Variants in ADGRE2 observed in about 807,000 individuals in gnomAD.
ADGRE2 encodes the protein CD97 antigen.
A neutral mutation model predicts 100.8 loss-of-function variants in ADGRE2; 83 were observed. The observed-to-expected ratio is 0.82, with a 90% CI of 0.69 to 0.99. ADGRE2 has a LOEUF of 0.99. Ranked by LOEUF, ADGRE2 falls within the 50% of genes least tolerant of loss-of-function variation. The pLI, the probability that ADGRE2 is intolerant of heterozygous loss-of-function variation, is 0.00. For missense variants in ADGRE2, 814 were observed against 1,035.7 expected, an observed-to-expected ratio of 0.79 and a Z score of 2.94; for synonymous variants, 355 against 413.0, an observed-to-expected ratio of 0.86 and a Z score of 1.70.
chr19:14,757,922 G>T (rs1031069483), intron 11 of ADGRE2, among the ~76,000 whole-genome samples: 1 of 152,312 alleles, frequency 6.6e-6, no homozygotes, highest in Non-Finnish European at 1.5e-5. Context: ...TCCTGCCTCA[G>T]CCTCCTGAGT....
chr19:14,753,653 G>C lies in ADGRE2; in HGVS notation c.1591-1127C>G, dbSNP rs2043378344. Among the ~76,000 whole-genome samples, 2 of 151,996 alleles carry C rather than the reference G, an allele frequency of 1.3e-5. 1 individual carries two copies. Among genetic ancestry groups the C allele is most frequent in the South Asian group, 4.1e-4 (2 of 4,822 alleles). ...TAGTAAAAATACAAAAATTAGCCGG[G>C]CATGGTGGTGCATGCCTGTAGTCCC... On this transcript the variant is annotated intron_variant, in intron 14 of 20. Transcript: ENST00000315576.
At chr19:14,754,831 T>C (rs988549048) in intron 14 of ADGRE2, 123 bp downstream of exon 14, 8 of 1,077,834 alleles carry the variant, frequency 7.4e-6, no homozygotes, top group Admixed American at 4.9e-5. Flanking sequence ...GCCATCTTGC[T>C]ATGCCAGCTT....
In ADGRE2 at chr19:14,776,791, GAA is replaced by G; in HGVS notation, c.-37_-36del. 1 of 1,612,238 alleles carries G rather than the reference GAA, an allele frequency of 6.2e-7. No individual in the cohort carries two copies. Among genetic ancestry groups the G allele is most frequent in the African/African-American group, 1.3e-5 (1 of 74,978 alleles). ...TGAGCTGCCGGCAGGAGCAGCAGGG[GAA>G]AGAGTGAGTGGGACAGGGCTGTCCC... is the stretch of plus-strand genomic sequence containing the variant. On this transcript the variant is annotated 5_prime_UTR_variant, in exon 2 of 21. Transcript: ENST00000315576.
At chr19:14,772,204 A>G in intron 5 of ADGRE2, 138 bp downstream of exon 5, 1 of 1,236,544 alleles carries the variant, frequency 8.1e-7, no homozygotes, top group Admixed American at 1.9e-5. Flanking sequence ...CGAAACAGGT[A>G]CATGCACACC....
At chr19:14,747,841 C>T (rs1015306030) in intron 16 of ADGRE2, among the ~76,000 whole-genome samples, 3 of 152,076 alleles carry the variant, frequency 2.0e-5, no homozygotes, top group South Asian at 2.1e-4. Flanking sequence ...GGTCTCTTAA[C>T]GTTCCTTTTT....
chr19:14,736,780 T>G (rs1216711443), intron 20 of ADGRE2, among the ~76,000 whole-genome samples: 4 of 137,866 alleles, frequency 2.9e-5, no homozygotes, highest in Non-Finnish European at 4.6e-5. Flanking sequence ...ATATAGATAT[T>G]TAGAAGTATA....
rs373118812 is a variant in ADGRE2 at position 14,746,882 on chromosome 19, A to G, written c.2091+14T>C. Reference sequence around the variant, plus strand: ...TCAGCGGGGCAGCGAGGATGCTCAGATGATGTCACTCACAGAGAAGATGGC... The same window carrying G: ...TCAGCGGGGCAGCGAGGATGCTCAGGTGATGTCACTCACAGAGAAGATGGC... On this transcript the variant is annotated intron_variant, in intron 17 of 20. Transcript: ENST00000315576. 7.3e-5 allele frequency: 118 copies of G among 1,612,718 alleles called. No individual in the cohort carries two copies. Among genetic ancestry groups the G allele is most frequent in the Middle Eastern group, 3.3e-4 (2 of 6,084 alleles).
At chr19:14,731,354 C>A, downstream of ADGRE2, 1 of 664,696 alleles carries the variant, frequency 1.5e-6, no homozygotes, top group Non-Finnish European at 2.5e-6. Flanking sequence ...CCGTGACATC[C>A]GGGCTCCTTA....
At chr19:14,738,973 T>C (rs1021816236) in intron 20 of ADGRE2, among the ~76,000 whole-genome samples, 1 of 148,484 alleles carries the variant, frequency 6.7e-6, no homozygotes, top group African/African-American at 2.5e-5. Flanking sequence ...TCTTTTCTTT[T>C]TTTTTTTTTT....
At chr19:14,754,481 A>ATCTATCTATCTATCTATCTGTCTG in intron 14 of ADGRE2, among the ~76,000 whole-genome samples, 1 of 150,836 alleles carries the variant, frequency 6.6e-6, no homozygotes, top group African/African-American at 2.4e-5. Context: ...CTATCTATCT[A>ATCTATCTATCTATCTATCTGTCTG]TCTATCTATT....
At chr19:14,737,289 G>GGC (rs2042786450) in intron 20 of ADGRE2, among the ~76,000 whole-genome samples, 1 of 151,712 alleles carries the variant, frequency 6.6e-6, no homozygotes, top group South Asian at 2.1e-4. Context: ...CCAGGTTCAA[G>GGC]TGATCCTCCT....
chr19:14,776,967 A>G, intron 1 of ADGRE2, 40 bp from the exon 2 acceptor site: 1 of 1,065,142 alleles, frequency 9.4e-7, no homozygotes, highest in Non-Finnish European at 1.2e-6. Flanking sequence ...ACACAGAACC[A>G]GGGGCGCTGC....
At position 14,751,682 on chromosome 19, in the gene ADGRE2, A is replaced by G; in HGVS notation, c.1789-11T>C. ...GATGGAGCACAGCACCTGGCGGAGA[A>G]GTAAAAGACGCCCAGAGCGGCGATC... On this transcript the variant is annotated splice_polypyrimidine_tract_variant and intron_variant, in intron 15 of 20. Coordinates refer to ENST00000315576, the MANE Select transcript of ADGRE2 (RefSeq NM_013447.4). 8 of 1,605,868 alleles carry G rather than the reference A, an allele frequency of 5.0e-6. No homozygotes were observed. The highest frequency in any genetic ancestry group is 5.1e-6 in the Non-Finnish European group (6 of 1,172,834).
chr19:14,758,043 T>A (rs2043563323), intron 11 of ADGRE2, among the ~76,000 whole-genome samples: 1 of 152,330 alleles, frequency 6.6e-6, no homozygotes. Flanking sequence ...ACTCCTGACC[T>A]CAGGTGATCC....
chr19:14,775,138 G>T (rs2044389179), intron 2 of ADGRE2, among the ~76,000 whole-genome samples: 1 of 150,442 alleles, frequency 6.6e-6, no homozygotes, highest in African/African-American at 2.4e-5. Context: ...GAGTGGCTGG[G>T]ACTACAGGCA....
At chr19:14,775,487 C>T (rs1002392773) in intron 2 of ADGRE2, among the ~76,000 whole-genome samples, 1 of 152,028 alleles carries the variant, frequency 6.6e-6, no homozygotes, top group Non-Finnish European at 1.5e-5. Context: ...GGGGTCTCAG[C>T]TCCAGCTGCC....
chr19:14,777,242 T>C (rs11881701), intron 1 of ADGRE2, among the ~76,000 whole-genome samples: 38,564 of 152,140 alleles, frequency 0.25, 5,071 homozygotes, highest in Middle Eastern at 0.3. Context: ...GCTCCCACTT[T>C]GGTAGGGCTC....
rs1217499292 is a variant in ADGRE2 at position 14,755,822 on chromosome 19, C to G, written c.1248G>C (p.Glu416Asp). ...TCTCAGGTTCCAGGACCAGAGGGGC[C>G]TCAGCCAGCAACTTGCCCATCCCTG... ...SIPGMGKLLA[E>D]APLVLEPEKQ... Residue 416 changes from glutamate to aspartate, a missense_variant, in exon 13 of 21, where the codon GAG becomes GAC. By Grantham distance (45) the Glu-to-Asp change is conservative (BLOSUM62 2). Transcript: ENST00000315576. 6.2e-7 allele frequency: 1 copy of G among 1,614,218 alleles called. No homozygotes were observed. The highest frequency in any genetic ancestry group is 1.3e-5 in the African/African-American group (1 of 75,054).
intron 20 of ADGRE2, among the ~76,000 whole-genome samples, chr19:14,740,384 G>A (rs1686435504): frequency 6.6e-6 from 1 of 152,030 alleles, no homozygotes; most frequent in African/African-American, 2.4e-5. Context: ...TACTTTGGGA[G>A]GCTGAGGCGG....
Sources: gnomAD v4.1 joint callset for allele counts (sites outside exome capture counted in the v4.1 genomes callset) on GRCh38, gnomAD v4.1.1 for gene constraint, MANE v1.5 for transcripts, NCBI Gene and HGNC (gene_info 2026-07-23, HGNC 2026-07-21) for gene names.